The following ABCD3 variants were observed in gnomAD, a reference collection of about 807,000 sequenced individuals.
The protein encoded by ABCD3 is ATP-binding cassette sub-family D member 3.
Under a neutral mutation model 105.5 loss-of-function variants are expected in ABCD3, and 41 were observed. The observed-to-expected ratio is 0.39, with a 90% CI of 0.30 to 0.50. ABCD3 has a LOEUF of 0.50. Ranked by LOEUF, ABCD3 falls within the 20% of genes least tolerant of loss-of-function variation. The probability of loss-of-function intolerance (pLI) is 0.84; values close to 1 mark genes in which losing one functional copy is unlikely to be tolerated. For synonymous variants in ABCD3, 258 were observed against 269.0 expected (o/e 0.96, Z 0.40); for missense variants, 622 against 806.3 (o/e 0.77, Z 2.77).
chr1:94,399,928 A>T, the ABCD3 span, among the ~76,000 whole-genome samples: 18 of 152,266 alleles, frequency 1.2e-4, no homozygotes, highest in African/African-American at 3.6e-4. Context: ...GCTTGCAAAC[A>T]GAAGGTCATA....
At chr1:94,406,143 T>G in the ABCD3 span, among the ~76,000 whole-genome samples, 12 of 151,808 alleles carry the variant, frequency 7.9e-5, no homozygotes, top group South Asian at 2.5e-3. Flanking sequence ...CAAATGGTTA[T>G]CCAGCGATCT....
At chr1:94,449,331 C>T (rs1300850729) in intron 1 of ABCD3, among the ~76,000 whole-genome samples, 8 of 152,100 alleles carry the variant, frequency 5.3e-5, no homozygotes, top group African/African-American at 1.2e-4. Flanking sequence ...TCACAGATGG[C>T]GGAATAAAAA....
At chr1:94,445,177 C>G (rs1223751489) in intron 1 of ABCD3, among the ~76,000 whole-genome samples, 1 of 152,214 alleles carries the variant, frequency 6.6e-6, no homozygotes, top group Admixed American at 6.5e-5. Flanking sequence ...TTGGGGCTCT[C>G]AGCTCTGAAG....
chr1:94,457,189 A>C (rs557364342), intron 1 of ABCD3, among the ~76,000 whole-genome samples: 4 of 152,290 alleles, frequency 2.6e-5, no homozygotes, highest in African/African-American at 9.6e-5. Context: ...CCCATAGTTT[A>C]TCTCTTCACT....
intron 1 of ABCD3, among the ~76,000 whole-genome samples, chr1:94,432,810 T>C (rs1313609951): frequency 6.6e-6 from 1 of 152,136 alleles, no homozygotes; most frequent in African/African-American, 2.4e-5. Flanking sequence ...CATGCATTGC[T>C]TAACAATGGA....
intron 21 of ABCD3, among the ~76,000 whole-genome samples, chr1:94,507,764 T>C (rs1650439821): frequency 6.6e-6 from 1 of 150,962 alleles, no homozygotes; most frequent in Admixed American, 6.6e-5. Flanking sequence ...TTGTTTCATG[T>C]GTTTTTTGGC....
chr1:94,471,562 A>G (rs990965435), intron 4 of ABCD3, among the ~76,000 whole-genome samples: 1 of 151,934 alleles, frequency 6.6e-6, no homozygotes, highest in African/African-American at 2.4e-5. Flanking sequence ...ACATTCACCA[A>G]TTGTAAAACA....
chr1:94,488,367 A>G (rs1649368853), intron 13 of ABCD3, among the ~76,000 whole-genome samples: 1 of 152,102 alleles, frequency 6.6e-6, no homozygotes, highest in South Asian at 2.1e-4. Context: ...CTAGCAAAAC[A>G]GATGAATAGA....
At chr1:94,438,427 G>T (rs761236816) in intron 1 of ABCD3, among the ~76,000 whole-genome samples, 2 of 151,922 alleles carry the variant, frequency 1.3e-5, no homozygotes, top group Non-Finnish European at 2.9e-5. Flanking sequence ...TGGTGAAGAT[G>T]ATGTGAACAT....
chr1:94,393,508 G>A, the ABCD3 span, among the ~76,000 whole-genome samples: 1,888 of 152,012 alleles, frequency 0.012, 16 homozygotes, highest in Non-Finnish European at 0.018. Context: ...GCTTGGTGGT[G>A]CATGCCTGTA....
the ABCD3 span, among the ~76,000 whole-genome samples, chr1:94,412,691 C>T: frequency 6.6e-6 from 1 of 152,166 alleles, no homozygotes; most frequent in Non-Finnish European, 1.5e-5. Flanking sequence ...AAAGCTATTG[C>T]CCAGTTGTTC....
At chr1:94,498,751 A>G in intron 17 of ABCD3, 32 bp from the exon 18 acceptor site, 2 of 1,613,434 alleles carry the variant, frequency 1.2e-6, no homozygotes, top group African/African-American at 1.3e-5. Flanking sequence ...TAAATTTTAC[A>G]ATTGTTCTTC....
At chr1:94,488,252 G>T (rs1649362098) in intron 13 of ABCD3, among the ~76,000 whole-genome samples, 2 of 152,064 alleles carry the variant, frequency 1.3e-5, no homozygotes, top group Non-Finnish European at 2.9e-5. Flanking sequence ...TTGAATCATG[G>T]CAGTCTTAAT....
chr1:94,391,700 C>A, the ABCD3 span, among the ~76,000 whole-genome samples: 3 of 152,224 alleles, frequency 2.0e-5, no homozygotes, highest in African/African-American at 7.2e-5. Context: ...CAAGTGCCAG[C>A]TTCTCTGATC....
intron 1 of ABCD3, among the ~76,000 whole-genome samples, chr1:94,443,170 G>A (rs367785567): frequency 2.4e-4 from 37 of 152,198 alleles, no homozygotes; most frequent in African/African-American, 8.9e-4. Flanking sequence ...GACTGGTATA[G>A]GATGGTAATC....
rs1300151360 is a variant in ABCD3 at position 94,499,534 on chromosome 1, A to G, written c.1660A>G (p.Ile554Val). 1.2e-6 allele frequency: 2 copies of G among 1,613,782 alleles called. No homozygotes were observed. Among genetic ancestry groups the G allele is most frequent in the South Asian group, 1.1e-5 (1 of 91,084 alleles). The change falls in exon 20 of 23, where the codon ATC becomes GTC. Residue 554 changes from isoleucine (I) to valine (V), a missense_variant. Around this residue, in one of 4 missense-constraint regions of ABCD3, gnomAD observed 285 missense variants for 352.5 expected, o/e 0.81. Coordinates refer to ENST00000370214, the MANE Select transcript of ABCD3 (RefSeq NM_002858.4). Reference protein sequence around the residue: ...EYLDNVQLGHILEREGGWDSV... With the variant: ...EYLDNVQLGHVLEREGGWDSV... ...CTTAGACAATGTCCAGTTGGGTCAT[A>G]TCCTTGAACGTGAAGGAGGCTGGGA...
chr1:94,387,589 T>C, the ABCD3 span, among the ~76,000 whole-genome samples: 1 of 152,210 alleles, frequency 6.6e-6, no homozygotes, highest in Non-Finnish European at 1.5e-5. Context: ...GGGTTTACCT[T>C]AGCAAAACCA....
intron 21 of ABCD3, among the ~76,000 whole-genome samples, chr1:94,507,817 C>T (rs814477): frequency 0.83 from 112,696 of 136,350 alleles, 46,615 homozygotes; most frequent in Admixed American, 0.87. Context: ...TCATGTCCTT[C>T]GCCCACTTTT....
chr1:94,460,159 G>A (rs150609333), intron 2 of ABCD3, among the ~76,000 whole-genome samples: 56 of 152,164 alleles, frequency 3.7e-4, no homozygotes, highest in Non-Finnish European at 7.4e-4. Flanking sequence ...ATATGTTAAC[G>A]CAGTTGCTTT....
Sources: gnomAD v4.1 joint callset for allele counts (sites outside exome capture counted in the v4.1 genomes callset) on GRCh38, gnomAD v4.1.1 for gene constraint, gnomAD v4.1.1 regional missense constraint, MANE v1.5 for transcripts, NCBI Gene and HGNC (gene_info 2026-07-23, HGNC 2026-07-21) for gene names.